The following GRID1 variants were observed in gnomAD, a reference collection of about 807,000 sequenced individuals.
GRID1 encodes the protein glutamate ionotropic receptor delta type subunit 1.
GRID1 carries 28 observed loss-of-function variants against 98.0 expected under a neutral mutation model. That is an observed-to-expected ratio of 0.29 (90% CI 0.21 to 0.39). GRID1 has a LOEUF of 0.39. Ranked by LOEUF, GRID1 falls within the 10% of genes least tolerant of loss-of-function variation. The pLI, the probability that GRID1 is intolerant of heterozygous loss-of-function variation, is 1.00. For synonymous variants in GRID1, 553 were observed against 538.5 expected (o/e 1.03, Z -0.37); for missense variants, 1,111 against 1,340.5 (o/e 0.83, Z 2.67).
intron 13 of GRID1, chr10:85,646,583 G>A (rs7100018): frequency 0.57 from 88,670 of 154,526 alleles, 27,058 homozygotes; most frequent in African/African-American, 0.8. Context: ...ACATCTAACA[G>A]TGCTGAAGAG....
chr10:85,721,632 G>T (rs193001612), intron 12 of GRID1, among the ~76,000 whole-genome samples: 123 of 152,308 alleles, frequency 8.1e-4, no homozygotes, highest in Admixed American at 3.1e-3. Context: ...ATCACATACT[G>T]AAATGACAAA....
At chr10:85,612,409 T>G (rs1003135100) in intron 15 of GRID1, among the ~76,000 whole-genome samples, 8 of 152,208 alleles carry the variant, frequency 5.3e-5, no homozygotes, top group Non-Finnish European at 1.0e-4. Flanking sequence ...AACCATTTAA[T>G]GAACTGCCCT....
intron 2 of GRID1, among the ~76,000 whole-genome samples, chr10:86,324,866 G>T (rs1564739210): frequency 6.6e-6 from 1 of 151,576 alleles, no homozygotes; most frequent in Non-Finnish European, 1.5e-5. Context: ...ACCCAGGAAG[G>T]TTCAAGATAA....
chr10:85,695,195 T>C (rs891555735), intron 12 of GRID1, among the ~76,000 whole-genome samples: 1 of 152,204 alleles, frequency 6.6e-6, no homozygotes, highest in African/African-American at 2.4e-5. Context: ...CAACAGTCTA[T>C]AGAGTAAGCC....
chr10:86,268,570 G>A (rs888375818), intron 2 of GRID1, among the ~76,000 whole-genome samples: 1 of 152,218 alleles, frequency 6.6e-6, no homozygotes, highest in Non-Finnish European at 1.5e-5. Context: ...AAGGGTCAGG[G>A]ACTCGAATAG....
At chr10:85,759,143 C>T (rs1470942470) in intron 8 of GRID1, among the ~76,000 whole-genome samples, 3 of 152,164 alleles carry the variant, frequency 2.0e-5, no homozygotes, top group Non-Finnish European at 4.4e-5. Flanking sequence ...TGAATCAAGT[C>T]CCTGGCATCA....
Position 86,016,006 on chromosome 10 carries a change from G to A in GRID1, c.727-99767C>T, listed in dbSNP as rs373471012. Among the ~76,000 whole-genome samples the A allele has an allele frequency of 2.6e-4, 40 of 152,202 alleles. No individual in the cohort carries two copies. The East Asian group carries it at 2.7e-3, about 10-fold the overall frequency. Reference sequence around the variant, plus strand: ...AAATGTGTTGAGGGGTTGCCACATAGACAGGGAAGTTACCGAGCATTATGT... The same window carrying A: ...AAATGTGTTGAGGGGTTGCCACATAAACAGGGAAGTTACCGAGCATTATGT... On this transcript the variant is annotated intron_variant, in intron 4 of 15. Transcript: ENST00000327946.
At chr10:86,173,593 A>ATTATC (rs1845527004) in intron 3 of GRID1, among the ~76,000 whole-genome samples, 1 of 34,496 alleles carries the variant, frequency 2.9e-5, no homozygotes, top group Non-Finnish European at 6.2e-5. Context: ...ATTTTATTAT[A>ATTATC]CTTTAAGTTT....
At chr10:86,309,385 AC>A (rs1206051765) in intron 2 of GRID1, among the ~76,000 whole-genome samples, 1 of 152,172 alleles carries the variant, frequency 6.6e-6, no homozygotes, top group African/African-American at 2.4e-5. Flanking sequence ...TGTCAGAACT[AC>A]CCTGGAAGAA....
chr10:86,018,015 T>C (rs530580867), intron 4 of GRID1, among the ~76,000 whole-genome samples: 45 of 152,088 alleles, frequency 3.0e-4, no homozygotes, highest in African/African-American at 1.0e-3. Context: ...TCACACAGAC[T>C]CTCCCAGGCA....
intron 3 of GRID1, among the ~76,000 whole-genome samples, chr10:86,191,567 G>C (rs1564702312): frequency 6.6e-6 from 1 of 151,778 alleles, no homozygotes. Context: ...ATGGTCAGGA[G>C]ACTCAGGCAC....
chr10:85,789,044 A>G (rs891787028), intron 8 of GRID1, among the ~76,000 whole-genome samples: 21 of 152,208 alleles, frequency 1.4e-4, no homozygotes, highest in African/African-American at 4.8e-4. Context: ...GATACCTCCC[A>G]TTGTACATTA....
At chr10:85,797,074 G>T (rs1286410175) in intron 8 of GRID1, among the ~76,000 whole-genome samples, 1 of 152,052 alleles carries the variant, frequency 6.6e-6, no homozygotes, top group African/African-American at 2.4e-5. Flanking sequence ...ACTCCCAAAT[G>T]GAAAGGATAA....
chr10:86,064,481 G>A (rs10887554), intron 4 of GRID1, among the ~76,000 whole-genome samples: 70,157 of 152,138 alleles, frequency 0.46, 17,619 homozygotes, highest in South Asian at 0.71. Flanking sequence ...TCAGAACTCC[G>A]CATGGCTCCC....
intron 8 of GRID1, among the ~76,000 whole-genome samples, chr10:85,818,829 T>G (rs1183197273): frequency 6.6e-6 from 1 of 152,106 alleles, no homozygotes; most frequent in East Asian, 1.9e-4. Flanking sequence ...GCGAGTCTCG[T>G]GCCTCAGCCT....
At chr10:86,252,229 G>C (rs1846847032) in intron 2 of GRID1, among the ~76,000 whole-genome samples, 1 of 152,222 alleles carries the variant, frequency 6.6e-6, no homozygotes, top group African/African-American at 2.4e-5. Flanking sequence ...CAGAGACCGG[G>C]ATGTGGCCCA....
intron 12 of GRID1, among the ~76,000 whole-genome samples, chr10:85,671,777 G>A (rs1233129833): frequency 2.0e-5 from 3 of 152,152 alleles, no homozygotes; most frequent in Non-Finnish European, 4.4e-5. Context: ...AGTTCTTGAA[G>A]AAAACTAAAA....
intron 8 of GRID1, among the ~76,000 whole-genome samples, chr10:85,768,972 T>C (rs1842226482): frequency 1.3e-5 from 2 of 152,356 alleles, no homozygotes; most frequent in South Asian, 2.1e-4. Context: ...TTTCAGAAGA[T>C]TGGAAATAGC....
chr10:85,792,827 G>A (rs775425110), intron 8 of GRID1, among the ~76,000 whole-genome samples: 4 of 152,126 alleles, frequency 2.6e-5, no homozygotes, highest in African/African-American at 7.2e-5. Context: ...CTGAGTTCCC[G>A]TCAGAGTACT....
Sources: allele counts gnomAD v4.1 joint callset (sites outside exome capture counted in the v4.1 genomes callset), GRCh38; gene constraint gnomAD v4.1.1; transcripts MANE v1.5; gene names NCBI Gene and HGNC (gene_info 2026-07-23, HGNC 2026-07-21).